The following RBFOX1 variants were observed in gnomAD, a reference collection of about 807,000 sequenced individuals.
The protein encoded by RBFOX1 is RNA binding protein fox-1 homolog 1.
RBFOX1 carries 8 observed loss-of-function variants against 57.7 expected under a neutral mutation model. The observed-to-expected ratio is 0.14, with a 90% CI of 0.08 to 0.25. The LOEUF is 0.25. Among genes scored for constraint, RBFOX1 ranks in the 10% least tolerant of loss-of-function variants. The pLI, the probability that RBFOX1 is intolerant of heterozygous loss-of-function variation, is 1.00. For synonymous variants in RBFOX1, 326 were observed against 222.4 expected (o/e 1.47, Z -4.15); for missense variants, 611 against 548.5 (o/e 1.11, Z -1.14).
intron 2 of RBFOX1, among the ~76,000 whole-genome samples, chr16:6,508,974 AG>A (rs2096186794): frequency 6.6e-6 from 1 of 152,150 alleles, no homozygotes; most frequent in African/African-American, 2.4e-5. Context: ...GTGAATGTAA[AG>A]TTTTTATTTT....
chr16:7,346,497 G>A (rs1603626239), intron 4 of RBFOX1, among the ~76,000 whole-genome samples: 1 of 151,990 alleles, frequency 6.6e-6, no homozygotes, highest in South Asian at 2.1e-4. Flanking sequence ...TCCCATGTTA[G>A]CATTGGTTCT....
intron 3 of RBFOX1, among the ~76,000 whole-genome samples, chr16:6,767,842 A>T (rs2077557195): frequency 6.6e-6 from 1 of 151,460 alleles, no homozygotes; most frequent in African/African-American, 2.4e-5. Context: ...TGAACCCGGG[A>T]GGTGGAGGTT....
At chr16:5,663,406 T>C (rs1228060648) in intron 3 of RBFOX1, among the ~76,000 whole-genome samples, 1 of 151,596 alleles carries the variant, frequency 6.6e-6, no homozygotes, top group Non-Finnish European at 1.5e-5. Context: ...GGTCTCACTA[T>C]GTTGGCCAGG....
At chr16:6,865,543 A>G (rs2059771191) in intron 3 of RBFOX1, among the ~76,000 whole-genome samples, 1 of 152,152 alleles carries the variant, frequency 6.6e-6, no homozygotes, top group Non-Finnish European at 1.5e-5. Context: ...CAGGAATTGT[A>G]TCAGGTGGTA....
At chr16:6,511,723 T>C (rs1311023568) in intron 2 of RBFOX1, among the ~76,000 whole-genome samples, 1 of 152,226 alleles carries the variant, frequency 6.6e-6, no homozygotes, top group East Asian at 1.9e-4. Flanking sequence ...ATGGAATGCA[T>C]TAGTGACATG....
At chr16:6,952,973 AT>A (rs1205803058) in intron 3 of RBFOX1, among the ~76,000 whole-genome samples, 3 of 152,152 alleles carry the variant, frequency 2.0e-5, no homozygotes, top group African/African-American at 7.2e-5. Context: ...ATTCTGTCTC[AT>A]AAAGAAAAAA....
chr16:5,474,959 C>T (rs909485858), intron 2 of RBFOX1, among the ~76,000 whole-genome samples: 10 of 152,136 alleles, frequency 6.6e-5, no homozygotes, highest in African/African-American at 1.9e-4. Flanking sequence ...ATGCATCCTA[C>T]CTTGGGTTTT....
intron 4 of RBFOX1, among the ~76,000 whole-genome samples, chr16:7,214,467 C>T (rs142756121): frequency 9.3e-4 from 141 of 152,114 alleles, no homozygotes; most frequent in African/African-American, 3.1e-3. Context: ...CCATGCCTCT[C>T]CGATCCATCC....
intron 3 of RBFOX1, among the ~76,000 whole-genome samples, chr16:5,695,857 A>G (rs2050828181): frequency 6.6e-6 from 1 of 152,206 alleles, no homozygotes; most frequent in African/African-American, 2.4e-5. Flanking sequence ...GCTCACAGGT[A>G]CTAATCATTC....
intron 2 of RBFOX1, among the ~76,000 whole-genome samples, chr16:6,494,716 T>C (rs1401148590): frequency 6.6e-6 from 1 of 152,242 alleles, no homozygotes; most frequent in Non-Finnish European, 1.5e-5. Context: ...TGGAGATCTT[T>C]GATTTATGCA....
chr16:6,825,423 C>A (rs376904274), intron 3 of RBFOX1, among the ~76,000 whole-genome samples: 1 of 151,908 alleles, frequency 6.6e-6, no homozygotes, highest in East Asian at 1.9e-4. Flanking sequence ...TTCAGCAAGG[C>A]AGGGATGATT....
intron 2 of RBFOX1, among the ~76,000 whole-genome samples, chr16:6,460,601 T>G (rs775377104): frequency 4.9e-4 from 75 of 152,286 alleles, no homozygotes; most frequent in Non-Finnish European, 9.4e-4. Context: ...AAACAACAGA[T>G]GCTGGTGAGC....
Position 5,287,154 on chromosome 16 carries a change from A to C in RBFOX1, c.219+47049A>C, listed in dbSNP as rs528578170. On this transcript the variant is annotated intron_variant, in intron 1 of 2. Coordinates refer to the RBFOX1 transcript ENST00000585867. ...ACCCTGTCTCTGCAAAGAATAAAAA[A>C]ATTAGCTAAGCATGGTGGCTCATGT... is the stretch of plus-strand genomic sequence containing the variant. Among the ~76,000 whole-genome samples, 4 of 152,294 alleles carry C rather than the reference A, an allele frequency of 2.6e-5. No individual in the cohort carries two copies. The East Asian group carries it at 7.7e-4, about 29-fold the overall frequency.
At chr16:7,093,887 C>A (rs1336488068) in intron 4 of RBFOX1, among the ~76,000 whole-genome samples, 1 of 151,880 alleles carries the variant, frequency 6.6e-6, no homozygotes, top group East Asian at 1.9e-4. Flanking sequence ...ACACAAAACT[C>A]ATTGAATATT....
intron 4 of RBFOX1, among the ~76,000 whole-genome samples, chr16:7,219,791 C>G (rs1197558069): frequency 6.6e-6 from 1 of 152,154 alleles, no homozygotes; most frequent in East Asian, 1.9e-4. Context: ...AATTTTTGTT[C>G]TCTATGTTTG....
At chr16:6,887,996 G>A (rs1370943815) in intron 3 of RBFOX1, among the ~76,000 whole-genome samples, 1 of 151,950 alleles carries the variant, frequency 6.6e-6, no homozygotes, top group African/African-American at 2.4e-5. Context: ...ATCTTATTCT[G>A]TTTGGGGTTT....
chr16:6,506,429 G>C (rs1297748049), intron 2 of RBFOX1, among the ~76,000 whole-genome samples: 1 of 151,968 alleles, frequency 6.6e-6, no homozygotes, highest in African/African-American at 2.4e-5. Flanking sequence ...AGAAACAAAA[G>C]GAGAGGGTTT....
At chr16:6,865,336 C>T (rs1467747729) in intron 3 of RBFOX1, among the ~76,000 whole-genome samples, 2 of 151,898 alleles carry the variant, frequency 1.3e-5, no homozygotes, top group Non-Finnish European at 1.5e-5. Flanking sequence ...ATAATAATTA[C>T]TTGAATAATA....
chr16:6,846,862 A>G (rs2093782607), intron 3 of RBFOX1, among the ~76,000 whole-genome samples: 1 of 152,048 alleles, frequency 6.6e-6, no homozygotes, highest in Non-Finnish European at 1.5e-5. Context: ...CATAAGTTCT[A>G]GTAAAGCCTG....
Sources: gnomAD v4.1 joint callset for allele counts (sites outside exome capture counted in the v4.1 genomes callset) on GRCh38, gnomAD v4.1.1 for gene constraint, MANE v1.5 for transcripts, NCBI Gene and HGNC (gene_info 2026-07-23, HGNC 2026-07-21) for gene names.